PPM1H: variants seen among roughly 807,000 people sequenced by gnomAD.
PPM1H encodes protein phosphatase, Mg2+/Mn2+ dependent 1H.
PPM1H carries 27 observed loss-of-function variants against 54.9 expected under a neutral mutation model. The ratio of observed to expected loss-of-function variants is 0.49; its 90% CI spans 0.36 to 0.68. The LOEUF is 0.68. Among genes scored for constraint, PPM1H ranks in the 30% least tolerant of loss-of-function variants. The pLI is 0.00. For missense variants in PPM1H, 596 were observed against 667.8 expected (o/e 0.89, Z 1.19); for synonymous variants, 305 against 270.8 (o/e 1.13, Z -1.24).
intron 6 of PPM1H, among the ~76,000 whole-genome samples, chr12:62,694,565 A>C (rs1592547880): frequency 6.6e-6 from 1 of 152,336 alleles, no homozygotes; most frequent in East Asian, 1.9e-4. Flanking sequence ...TTTATGCCTC[A>C]ATGGTTTATT....
chr12:62,698,261 C>G (rs2076124489), intron 6 of PPM1H, among the ~76,000 whole-genome samples: 1 of 152,070 alleles, frequency 6.6e-6, no homozygotes. Flanking sequence ...CACAGAAAGT[C>G]ACTGTCCTAG....
At chr12:62,851,863 A>G (rs1283704652) in intron 1 of PPM1H, among the ~76,000 whole-genome samples, 2 of 152,142 alleles carry the variant, frequency 1.3e-5, no homozygotes, top group East Asian at 1.9e-4. Context: ...ATAAAGTACT[A>G]TGGACTGAAT....
chr12:62,784,663 C>A (rs369372183), intron 4 of PPM1H, among the ~76,000 whole-genome samples: 1 of 152,182 alleles, frequency 6.6e-6, no homozygotes, highest in Non-Finnish European at 1.5e-5. Flanking sequence ...CCTGACTGCT[C>A]GTCAATCAGT....
chr12:62,729,877 T>C (rs536012142), intron 5 of PPM1H, among the ~76,000 whole-genome samples: 1 of 152,214 alleles, frequency 6.6e-6, no homozygotes, highest in Non-Finnish European at 1.5e-5. Context: ...AGATAAGCCA[T>C]CATATCCCCT....
At chr12:62,746,846 C>T (rs1158149553) in intron 4 of PPM1H, among the ~76,000 whole-genome samples, 1 of 152,258 alleles carries the variant, frequency 6.6e-6, no homozygotes, top group East Asian at 1.9e-4. Context: ...TCTAAATTTC[C>T]TAATATGAAA....
At chr12:62,702,645 C>A (rs534408432) in intron 6 of PPM1H, among the ~76,000 whole-genome samples, 1 of 151,602 alleles carries the variant, frequency 6.6e-6, no homozygotes, top group Non-Finnish European at 1.5e-5. Flanking sequence ...TTAAGAGGAA[C>A]GAGAGGAACG....
At chr12:62,735,379 T>G (rs563391131) in intron 5 of PPM1H, among the ~76,000 whole-genome samples, 1 of 151,010 alleles carries the variant, frequency 6.6e-6, no homozygotes, top group Non-Finnish European at 1.5e-5. Context: ...GCCTGGCTAA[T>G]TTTTTTTTGG....
intron 6 of PPM1H, among the ~76,000 whole-genome samples, chr12:62,712,337 G>A (rs1338423351): frequency 6.6e-6 from 1 of 152,232 alleles, no homozygotes; most frequent in African/African-American, 2.4e-5. Context: ...AAGGTGGCCC[G>A]TAATCATTAA....
At chr12:62,791,523 C>T (rs191999380) in intron 3 of PPM1H, among the ~76,000 whole-genome samples, 33 of 152,182 alleles carry the variant, frequency 2.2e-4, no homozygotes, top group African/African-American at 7.7e-4. Context: ...AGTCTGCATC[C>T]AATACATCAA....
chr12:62,757,764 A>T (rs923874021), intron 4 of PPM1H, among the ~76,000 whole-genome samples: 12 of 152,208 alleles, frequency 7.9e-5, no homozygotes, highest in Non-Finnish European at 1.5e-5. Flanking sequence ...ATTTCTATGG[A>T]CTTATCCAAA....
At chr12:62,663,758 G>C (rs573097182) in intron 9 of PPM1H, among the ~76,000 whole-genome samples, 18 of 152,152 alleles carry the variant, frequency 1.2e-4, no homozygotes, top group Non-Finnish European at 2.5e-4. Flanking sequence ...TTGGGAGGCC[G>C]AGGTGGGCGC....
intron 2 of PPM1H, among the ~76,000 whole-genome samples, chr12:62,815,372 T>G (rs2076860446): frequency 6.6e-6 from 1 of 152,242 alleles, no homozygotes; most frequent in Non-Finnish European, 1.5e-5. Context: ...TTTAGTAAGT[T>G]TGACTTTTGT....
At chr12:62,733,747 G>A (rs1289050717) in intron 5 of PPM1H, among the ~76,000 whole-genome samples, 2 of 152,116 alleles carry the variant, frequency 1.3e-5, no homozygotes, top group Non-Finnish European at 2.9e-5. Flanking sequence ...ATTTGATTTA[G>A]GAGTAAGGAT....
chr12:62,660,825 A>G (rs2075878457), intron 9 of PPM1H, among the ~76,000 whole-genome samples: 1 of 152,224 alleles, frequency 6.6e-6, no homozygotes, highest in South Asian at 2.1e-4. Flanking sequence ...AGTCTGAAAC[A>G]AATTAAGTTT....
chr12:62,849,802 T>C (rs1348792769), intron 1 of PPM1H, among the ~76,000 whole-genome samples: 2 of 152,178 alleles, frequency 1.3e-5, no homozygotes, highest in Non-Finnish European at 2.9e-5. Flanking sequence ...TCTGCTTCCT[T>C]TTTATGAATA....
At chr12:62,902,241 C>G (rs1349501875) in intron 1 of PPM1H, among the ~76,000 whole-genome samples, 1 of 151,692 alleles carries the variant, frequency 6.6e-6, no homozygotes, top group Non-Finnish European at 1.5e-5. Context: ...GGCATCCCAG[C>G]TACTTGGGAA....
chr12:62,767,148 A>C lies in PPM1H; in HGVS notation c.869+21078T>G, dbSNP rs912760536. On this transcript the variant is annotated intron_variant, in intron 4 of 9. Coordinates refer to ENST00000228705, the MANE Select transcript of PPM1H (RefSeq NM_020700.2). ...GAGAGGTGACTGGAGGAAGGTTGTC[A>C]TGGGGCCTGGAGTGTGGGAGGGAAG... 5.3e-5 allele frequency among the ~76,000 whole-genome samples: 8 copies of C among 152,118 alleles called. No individual in the cohort carries two copies. In the East Asian group the frequency reaches 1.5e-3, roughly 29 times the overall value.
chr12:62,776,893 G>C (rs927256223), intron 4 of PPM1H, among the ~76,000 whole-genome samples: 1 of 152,164 alleles, frequency 6.6e-6, no homozygotes, highest in Non-Finnish European at 1.5e-5. Flanking sequence ...CAAATCATTT[G>C]ATAACTGTAC....
intron 1 of PPM1H, among the ~76,000 whole-genome samples, chr12:62,873,245 A>G (rs1870048961): frequency 2.0e-5 from 3 of 152,198 alleles, no homozygotes; most frequent in Non-Finnish European, 4.4e-5. Flanking sequence ...AGCACAGGCT[A>G]CTGCCTAGGA....
Sources: gnomAD v4.1 joint callset for allele counts (sites outside exome capture counted in the v4.1 genomes callset) on GRCh38, gnomAD v4.1.1 for gene constraint, MANE v1.5 for transcripts, NCBI Gene and HGNC (gene_info 2026-07-23, HGNC 2026-07-21) for gene names.